Variants in GALNTL6 observed in about 807,000 individuals in gnomAD.
GALNTL6 encodes polypeptide N-acetylgalactosaminyltransferase-like 6.
GALNTL6 carries 46 observed loss-of-function variants against 73.7 expected under a neutral mutation model. The observed-to-expected ratio is 0.62, with a 90% CI of 0.49 to 0.80. The LOEUF is 0.80. Among genes scored for constraint, GALNTL6 ranks in the 30% least tolerant of loss-of-function variants. GALNTL6 has a pLI of 0.00. For missense variants in GALNTL6, 604 were observed against 755.0 expected, an observed-to-expected ratio of 0.80 and a Z score of 2.34; for synonymous variants, 259 against 263.7, an observed-to-expected ratio of 0.98 and a Z score of 0.17.
chr4:171,886,238 A>T (rs1321097186), intron 2 of GALNTL6, among the ~76,000 whole-genome samples: 1 of 152,208 alleles, frequency 6.6e-6, no homozygotes. Context: ...CAAAAAAAGC[A>T]TTTCCAACAA....
rs2110774007 is a variant in GALNTL6, at chr4:172,500,398, G to T, written c.553+151709G>T. Among the ~76,000 whole-genome samples, 3 of 152,258 alleles carry T rather than the reference G, an allele frequency of 2.0e-5. No homozygotes were observed. The Middle Eastern group carries it at 0.01, about 518-fold the overall frequency. ...ATAGCATCACTACACTCCAGCCTGGGTGACAGAGAGGGCCCCCATCTCAGA... is the reference window on the plus strand; with the variant it reads ...ATAGCATCACTACACTCCAGCCTGGTTGACAGAGAGGGCCCCCATCTCAGA... On this transcript the variant is annotated intron_variant, in intron 5 of 12. Transcript: ENST00000506823.
chr4:171,933,008 A>T (rs1030114892), intron 2 of GALNTL6, among the ~76,000 whole-genome samples: 4 of 152,216 alleles, frequency 2.6e-5, no homozygotes, highest in African/African-American at 9.6e-5. Context: ...TCTCAGGCTC[A>T]TTCATAGACT....
chr4:172,048,609 T>A (rs1435715636), intron 2 of GALNTL6, among the ~76,000 whole-genome samples: 2 of 152,208 alleles, frequency 1.3e-5, no homozygotes, highest in Non-Finnish European at 2.9e-5. Context: ...GATTATATTA[T>A]GTGATGTTAA....
At chr4:172,289,018 T>G (rs1739367543) in intron 3 of GALNTL6, among the ~76,000 whole-genome samples, 1 of 152,192 alleles carries the variant, frequency 6.6e-6, no homozygotes, top group Admixed American at 6.5e-5. Flanking sequence ...AGCTATCCTA[T>G]AGTGACTTCA....
At chr4:172,103,096 TG>T (rs1305208881) in intron 2 of GALNTL6, among the ~76,000 whole-genome samples, 3 of 152,160 alleles carry the variant, frequency 2.0e-5, no homozygotes, top group African/African-American at 7.2e-5. Context: ...GGGGACACTG[TG>T]TCCTTGTTGC....
chr4:171,905,164 T>C (rs1737235636), intron 2 of GALNTL6, among the ~76,000 whole-genome samples: 1 of 152,012 alleles, frequency 6.6e-6, no homozygotes, highest in Admixed American at 6.6e-5. Context: ...TAAATGTAAA[T>C]GGACTAAATG....
intron 2 of GALNTL6, among the ~76,000 whole-genome samples, chr4:172,143,832 GTTATC>G (rs1216533218): frequency 2.6e-5 from 4 of 151,958 alleles, no homozygotes; most frequent in African/African-American, 7.2e-5. Flanking sequence ...CATCATTTTT[GTTATC>G]TTATCTTCTT....
chr4:172,997,539 T>C (rs1374893643), intron 10 of GALNTL6, among the ~76,000 whole-genome samples: 2 of 152,182 alleles, frequency 1.3e-5, no homozygotes, highest in Non-Finnish European at 2.9e-5. Context: ...AGCTTATTTA[T>C]ATGAATTTCT....
At chr4:172,548,076 A>G (rs775324948) in intron 5 of GALNTL6, among the ~76,000 whole-genome samples, 3 of 152,216 alleles carry the variant, frequency 2.0e-5, no homozygotes, top group South Asian at 2.1e-4. Context: ...TGAGGATCCC[A>G]GATAAAATGA....
At chr4:172,823,963 G>T (rs1295862555) in intron 7 of GALNTL6, among the ~76,000 whole-genome samples, 1 of 152,124 alleles carries the variant, frequency 6.6e-6, no homozygotes, top group Non-Finnish European at 1.5e-5. Flanking sequence ...TCCACCTAGA[G>T]CCCAAGCTGT....
At chr4:172,301,840 G>C (rs1404557116) in intron 3 of GALNTL6, among the ~76,000 whole-genome samples, 1 of 152,152 alleles carries the variant, frequency 6.6e-6, no homozygotes, top group Non-Finnish European at 1.5e-5. Context: ...GAGGCAGTCT[G>C]TCCGTTCTCA....
intron 5 of GALNTL6, among the ~76,000 whole-genome samples, chr4:172,470,832 G>A (rs1733019944): frequency 6.6e-6 from 1 of 152,044 alleles, no homozygotes; most frequent in Non-Finnish European, 1.5e-5. Flanking sequence ...ACGTATTCGT[G>A]TGCATGGGCC....
At chr4:171,988,337 C>T (rs138491916) in intron 2 of GALNTL6, among the ~76,000 whole-genome samples, 20 of 152,236 alleles carry the variant, frequency 1.3e-4, no homozygotes, top group East Asian at 5.8e-4. Flanking sequence ...TGCCAAGATA[C>T]GTAACAGATG....
intron 10 of GALNTL6, among the ~76,000 whole-genome samples, chr4:172,992,015 T>C (rs557437678): frequency 6.6e-6 from 1 of 152,358 alleles, no homozygotes; most frequent in African/African-American, 2.4e-5. Context: ...AAACTTTTAG[T>C]TCTATCTTCT....
At chr4:172,477,274 G>A (rs898443462) in intron 5 of GALNTL6, among the ~76,000 whole-genome samples, 1 of 151,230 alleles carries the variant, frequency 6.6e-6, no homozygotes. Context: ...AAAAACTAGG[G>A]TGAAGTAGGA....
intron 5 of GALNTL6, among the ~76,000 whole-genome samples, chr4:172,378,744 C>T (rs568244609): frequency 4.0e-5 from 6 of 151,812 alleles, no homozygotes; most frequent in African/African-American, 9.6e-5. Flanking sequence ...GTGTATATAC[C>T]TTGATTTATA....
intron 2 of GALNTL6, among the ~76,000 whole-genome samples, chr4:172,175,354 C>T (rs931232157): frequency 3.3e-5 from 5 of 152,080 alleles, no homozygotes; most frequent in Admixed American, 1.3e-4. Context: ...GCGTGAGTCT[C>T]CCAAAGTGCT....
intron 5 of GALNTL6, among the ~76,000 whole-genome samples, chr4:172,485,169 T>A (rs1404106956): frequency 6.6e-6 from 1 of 152,134 alleles, no homozygotes; most frequent in Non-Finnish European, 1.5e-5. Flanking sequence ...AGGATAACTT[T>A]AGATTACCGT....
chr4:172,107,888 TA>T (rs1336911505), intron 2 of GALNTL6, among the ~76,000 whole-genome samples: 3 of 152,304 alleles, frequency 2.0e-5, no homozygotes, highest in African/African-American at 7.2e-5. Flanking sequence ...CATTTCTAAG[TA>T]AATTACATTG....
Sources: gnomAD v4.1 joint callset for allele counts (sites outside exome capture counted in the v4.1 genomes callset) on GRCh38, gnomAD v4.1.1 for gene constraint, MANE v1.5 for transcripts, NCBI Gene and HGNC (gene_info 2026-07-23, HGNC 2026-07-21) for gene names.